Variants in GPR55 observed in about 807,000 individuals in gnomAD.
GPR55 encodes the protein G-protein coupled receptor 55.
A neutral mutation model predicts 7.9 loss-of-function variants in GPR55; 6 were observed. That is an observed-to-expected ratio of 0.76 (90% CI 0.41 to 1.49). The LOEUF is 1.49. Ranked by LOEUF, GPR55 falls within the 40% of genes most tolerant of loss-of-function variation. GPR55 has a pLI of 0.01. For synonymous variants in GPR55, 183 were observed against 166.8 expected, an observed-to-expected ratio of 1.10 and a Z score of -0.75; for missense variants, 376 against 406.0, an observed-to-expected ratio of 0.93 and a Z score of 0.63.
At chr2:230,957,054 TTAAC>T (rs1180465950) in intron 1 of GPR55, among the ~76,000 whole-genome samples, 28 of 152,338 alleles carry the variant, frequency 1.8e-4, no homozygotes, top group Admixed American at 7.8e-4. Context: ...CTTTTTCGTC[TTAAC>T]TAAGCACTTA....
At chr2:230,936,779 A>T (rs1343311146) in intron 1 of GPR55, among the ~76,000 whole-genome samples, 3 of 152,104 alleles carry the variant, frequency 2.0e-5, no homozygotes, top group African/African-American at 7.2e-5. Context: ...GTCTGATGAC[A>T]GTTGTCTTAA....
chr2:230,936,317 G>A (rs1691130460), intron 1 of GPR55, among the ~76,000 whole-genome samples: 2 of 152,138 alleles, frequency 1.3e-5, no homozygotes, highest in Admixed American at 1.3e-4. Flanking sequence ...TAGGATCGTA[G>A]GAGGAACCTG....
In GPR55 at chr2:230,909,999, T is replaced by C. The variant is rs772562839; in HGVS notation, c.*4A>G. 1 of 1,609,422 alleles carries C rather than the reference T, an allele frequency of 6.2e-7. No individual in the cohort carries two copies. The highest frequency in any genetic ancestry group is 8.5e-7 in the Non-Finnish European group (1 of 1,177,388). Reference sequence around the variant, plus strand: ...TTTCTTCCCCTGAACAGGATGTCCTTCCGTTAGCCCCGGGAGATCGTGGTG... The same window carrying C: ...TTTCTTCCCCTGAACAGGATGTCCTCCCGTTAGCCCCGGGAGATCGTGGTG... On this transcript the variant is annotated 3_prime_UTR_variant, in exon 2 of 2. Coordinates refer to ENST00000650999, the MANE Select transcript of GPR55 (RefSeq NM_005683.4).
At chr2:230,935,772 G>A (rs910889870) in intron 1 of GPR55, among the ~76,000 whole-genome samples, 3 of 152,234 alleles carry the variant, frequency 2.0e-5, no homozygotes, top group Non-Finnish European at 4.4e-5. Flanking sequence ...GGAAAAAGAA[G>A]TGTTTTGGAT....
At chr2:230,952,913 C>T (rs1019700474) in intron 1 of GPR55, among the ~76,000 whole-genome samples, 3 of 152,216 alleles carry the variant, frequency 2.0e-5, no homozygotes, top group African/African-American at 4.8e-5. Flanking sequence ...TCTGCTCCGC[C>T]ATTTGCCCTA....
At chr2:230,937,183 C>T (rs756596074) in intron 1 of GPR55, among the ~76,000 whole-genome samples, 22 of 152,046 alleles carry the variant, frequency 1.4e-4, no homozygotes, top group Non-Finnish European at 2.8e-4. Flanking sequence ...GGGAGGATTG[C>T]TTGAGGCCAG....
At chr2:230,940,150 G>A (rs1050489377) in intron 1 of GPR55, among the ~76,000 whole-genome samples, 5 of 152,054 alleles carry the variant, frequency 3.3e-5, no homozygotes, top group South Asian at 2.1e-4. Flanking sequence ...AGGGGCAGGC[G>A]GGAGGCCCTT....
upstream of GPR55, among the ~76,000 whole-genome samples, chr2:230,928,205 C>A (rs146883649): frequency 9.2e-4 from 140 of 152,266 alleles, no homozygotes; most frequent in African/African-American, 3.3e-3. Context: ...ACGCTTGGCA[C>A]AGGGGCAGCA....
At position 230,944,167 on chromosome 2, in the gene GPR55, G is replaced by A. The variant is rs1691277377; in HGVS notation, c.-135+16608C>T. Among the ~76,000 whole-genome samples the A allele has an allele frequency of 6.6e-6, 1 of 152,182 alleles. No homozygotes were observed. On this transcript the variant is annotated intron_variant, in intron 1 of 1. Transcript: ENST00000392039. This position sits in a 1 kb window ranked among gnomAD's most constrained non-coding sequence, Gnocchi z 4.2. ...GGTCCCAGATGCCGGGTCCCAGAGA[G>A]GACCTCAAGGAGACTTCCCAGGAAA...
chr2:230,927,601 G>A (rs1455106149), upstream of GPR55, among the ~76,000 whole-genome samples: 3 of 152,206 alleles, frequency 2.0e-5, no homozygotes, highest in Admixed American at 2.0e-4. Flanking sequence ...GGAGGTTTTG[G>A]GAGCCTGGGC....
At chr2:230,922,030 C>T (rs1223272000) in intron 1 of GPR55, among the ~76,000 whole-genome samples, 3 of 151,400 alleles carry the variant, frequency 2.0e-5, no homozygotes, top group Admixed American at 6.6e-5. Context: ...AAAGCAGCCT[C>T]GTCATGTGGA....
intron 1 of GPR55, among the ~76,000 whole-genome samples, chr2:230,937,252 T>C (rs1559176789): frequency 6.6e-6 from 1 of 151,460 alleles, no homozygotes; most frequent in Non-Finnish European, 1.5e-5. Context: ...AAAATTTTTT[T>C]TAATTAGCCA....
intron 1 of GPR55, among the ~76,000 whole-genome samples, chr2:230,940,983 G>A (rs1691217269): frequency 6.6e-6 from 1 of 152,078 alleles, no homozygotes; most frequent in Non-Finnish European, 1.5e-5. Flanking sequence ...CGGACGTGGC[G>A]GTGTGCACTT....
chr2:230,934,906 T>A (rs1691108854), intron 1 of GPR55, among the ~76,000 whole-genome samples: 1 of 152,034 alleles, frequency 6.6e-6, no homozygotes, highest in Non-Finnish European at 1.5e-5. Context: ...TCCTGTTGGG[T>A]TGGGCTTCCC....
chr2:230,913,450 A>C (rs1353624445), intron 1 of GPR55, among the ~76,000 whole-genome samples: 2 of 152,260 alleles, frequency 1.3e-5, no homozygotes, highest in African/African-American at 4.8e-5. Context: ...ACTACGCACT[A>C]AACATTTAAC....
At chr2:230,930,290 C>T (rs1421697807) in intron 1 of GPR55, among the ~76,000 whole-genome samples, 2 of 152,266 alleles carry the variant, frequency 1.3e-5, no homozygotes, top group African/African-American at 4.8e-5. Flanking sequence ...TGTACTATTT[C>T]CTTTGCCCAC....
intron 1 of GPR55, among the ~76,000 whole-genome samples, chr2:230,959,360 A>T (rs1691534521): frequency 6.6e-6 from 1 of 152,158 alleles, no homozygotes; most frequent in African/African-American, 2.4e-5. Flanking sequence ...AGACAAGAGG[A>T]TCACCTGAGC....
At chr2:230,940,142 G>C (rs909758854) in intron 1 of GPR55, among the ~76,000 whole-genome samples, 2 of 152,070 alleles carry the variant, frequency 1.3e-5, no homozygotes, top group Non-Finnish European at 2.9e-5. Flanking sequence ...AGCCTCCCAG[G>C]GGCAGGCGGG....
chr2:230,910,369 G>A lies in GPR55; in HGVS notation c.594C>T (p.Gly198=). 1 of 1,614,108 alleles carries A rather than the reference G, an allele frequency of 6.2e-7. No homozygotes were observed. The highest frequency in any genetic ancestry group is 8.5e-7 in the Non-Finnish European group (1 of 1,179,972). Residue 198 remains glycine (G), a synonymous_variant, in exon 2 of 2, where the codon GGC becomes GGT. Transcript: ENST00000650999. The surrounding 1 kb of genome is among the most constrained non-coding windows in gnomAD (Gnocchi z 5.4). ...FGFLLPMGIM[G]FCCSRSIHIL... is the part of the protein sequence containing the mutation. The stretch of plus-strand genomic sequence containing the variant: ...TGTGGATGCTCCTGGAGCAGCAGAA[G>A]CCCATGATGCCCATGGGAAGGAGGA...
Sources: allele counts gnomAD v4.1 joint callset (sites outside exome capture counted in the v4.1 genomes callset), GRCh38; gene constraint gnomAD v4.1.1; non-coding constraint Gnocchi (gnomAD v3.1); transcripts MANE v1.5; gene names NCBI Gene and HGNC (gene_info 2026-07-23, HGNC 2026-07-21).